The following KAT2B variants were observed in gnomAD, a reference collection of about 807,000 sequenced individuals.
KAT2B encodes lysine acetyltransferase 2B.
In KAT2B, 36 loss-of-function variants were observed where a neutral mutation model predicts 105.9. That is an observed-to-expected ratio of 0.34 (90% CI 0.26 to 0.45). KAT2B has a LOEUF of 0.45. Ranked by LOEUF, KAT2B falls within the 20% of genes least tolerant of loss-of-function variation. The pLI, the probability that KAT2B is intolerant of heterozygous loss-of-function variation, is 1.00. For synonymous variants in KAT2B, 397 were observed against 377.9 expected (o/e 1.05, Z -0.59); for missense variants, 820 against 1,021.6 (o/e 0.80, Z 2.69).
At chr3:20,111,224 A>C (rs1699115231) in intron 5 of KAT2B, among the ~76,000 whole-genome samples, 1 of 152,194 alleles carries the variant, frequency 6.6e-6, no homozygotes, top group African/African-American at 2.4e-5. Flanking sequence ...GAACCCAATG[A>C]AGTAGGTATT....
chr3:20,094,180 C>G (rs1698769260), intron 2 of KAT2B, among the ~76,000 whole-genome samples: 1 of 152,014 alleles, frequency 6.6e-6, no homozygotes, highest in African/African-American at 2.4e-5. Flanking sequence ...TTCTGCATGG[C>G]TGGGGAGGCC....
At chr3:20,086,176 G>T (rs1197956982) in intron 2 of KAT2B, among the ~76,000 whole-genome samples, 2 of 152,140 alleles carry the variant, frequency 1.3e-5, no homozygotes, top group Admixed American at 1.3e-4. Context: ...GGAGACTGAG[G>T]TGGGAGGATT....
At chr3:20,126,518 T>TAAA (rs34431414) in intron 10 of KAT2B, among the ~76,000 whole-genome samples, 2 of 141,704 alleles carry the variant, frequency 1.4e-5, no homozygotes, top group African/African-American at 5.2e-5. Context: ...ATCCATTGCT[T>TAAA]AAAAAAAAAA....
chr3:20,147,760 A>T (rs969128154), intron 14 of KAT2B, among the ~76,000 whole-genome samples: 2 of 152,200 alleles, frequency 1.3e-5, no homozygotes, highest in African/African-American at 2.4e-5. Flanking sequence ...ACACTAACAT[A>T]TGGGGCAGCG....
chr3:20,117,754 C>T (rs1283401791), intron 7 of KAT2B, among the ~76,000 whole-genome samples: 2 of 152,084 alleles, frequency 1.3e-5, no homozygotes, highest in Admixed American at 1.3e-4. Context: ...CATGCTGTGT[C>T]CTGTATGTGA....
chr3:20,126,996 T>C (rs1013170748), intron 10 of KAT2B, among the ~76,000 whole-genome samples: 7 of 152,176 alleles, frequency 4.6e-5, no homozygotes, highest in Admixed American at 3.9e-4. Flanking sequence ...TTGCAAATTG[T>C]ATATGTAAAT....
At chr3:20,070,973 C>T (rs1297504875) in intron 1 of KAT2B, among the ~76,000 whole-genome samples, 1 of 148,800 alleles carries the variant, frequency 6.7e-6, no homozygotes, top group Non-Finnish European at 1.5e-5. Flanking sequence ...CTTGCCACTG[C>T]ACTCCAGCCT....
chr3:20,069,154 T>C (rs540500455), intron 1 of KAT2B, among the ~76,000 whole-genome samples: 227 of 152,308 alleles, frequency 1.5e-3, no homozygotes, highest in African/African-American at 5.2e-3. Context: ...CGTATGAACA[T>C]GAGAGCACCC....
intron 12 of KAT2B, among the ~76,000 whole-genome samples, chr3:20,138,915 A>G (rs922894207): frequency 1.3e-5 from 2 of 152,096 alleles, no homozygotes; most frequent in Non-Finnish European, 2.9e-5. Flanking sequence ...TTGTTTTGAG[A>G]CAGGGTCTTA....
At chr3:20,040,894 C>G in intron 1 of KAT2B, 114 bp downstream of exon 1, 1 of 1,282,756 alleles carries the variant, frequency 7.8e-7, no homozygotes, top group Non-Finnish European at 1.0e-6. Context: ...TCGCCTCCCG[C>G]CTGGGGCCGC....
chr3:20,084,665 C>T lies in KAT2B; in HGVS notation c.431-10598C>T, dbSNP rs566020643. Among the ~76,000 whole-genome samples the T allele has an allele frequency of 1.3e-3, 197 of 152,256 alleles. 1 individual carries two copies. The highest frequency in any genetic ancestry group is 4.6e-3 in the African/African-American group (192 of 41,556). ...GCAGAGTCAGAGGGAAATGAGCCTC[C>T]TCAGGTTTCACTTAAGCATTTTAAT... On this transcript the variant is annotated intron_variant, in intron 2 of 17. Transcript: ENST00000263754.
At chr3:20,076,109 G>A (rs2140084) in intron 2 of KAT2B, among the ~76,000 whole-genome samples, 79,435 of 151,614 alleles carry the variant, frequency 0.52, 21,993 homozygotes, top group African/African-American at 0.71. Context: ...AGGTATGATC[G>A]AAAGGGGCTC....
At chr3:20,085,322 C>G (rs1698593545) in intron 2 of KAT2B, among the ~76,000 whole-genome samples, 1 of 152,102 alleles carries the variant, frequency 6.6e-6, no homozygotes, top group South Asian at 2.1e-4. Context: ...TCAGATTGAC[C>G]TCAAGGAAAA....
chr3:20,066,487 C>A (rs1234618226), intron 1 of KAT2B, among the ~76,000 whole-genome samples: 1 of 152,032 alleles, frequency 6.6e-6, no homozygotes, highest in Non-Finnish European at 1.5e-5. Flanking sequence ...CAACTTTGGC[C>A]TCCTGGGTTC....
At chr3:20,049,145 C>A (rs1306004317) in intron 1 of KAT2B, among the ~76,000 whole-genome samples, 3 of 152,138 alleles carry the variant, frequency 2.0e-5, no homozygotes, top group Non-Finnish European at 4.4e-5. Context: ...CAGGTGTGAG[C>A]CACCGCGCCT....
intron 1 of KAT2B, among the ~76,000 whole-genome samples, chr3:20,043,713 C>T (rs551268086): frequency 3.6e-5 from 5 of 137,144 alleles, no homozygotes; most frequent in Admixed American, 7.6e-5. Context: ...GACATTATCT[C>T]AGATTTGCTT....
chr3:20,146,368 C>G lies in KAT2B; in HGVS notation c.2057C>G (p.Pro686Arg), dbSNP rs753515933. The change falls in exon 14 of 18, where the codon CCT becomes CGT. Residue 686 changes from proline to arginine, a missense_variant. This residue lies in a region of KAT2B where 227 missense variants were observed against 292.9 expected (regional missense o/e 0.77). Transcript: ENST00000263754. Reference sequence around the variant, plus strand: ...CAGGCACAAATTCGAAAAGTTTACCCTGGACTTTCATGTTTTAAAGATGGA... The same window carrying G: ...CAGGCACAAATTCGAAAAGTTTACCGTGGACTTTCATGTTTTAAAGATGGA... ...RKQAQIRKVY[P>R]GLSCFKDGVR... 13 of 1,613,406 alleles carry G rather than the reference C, an allele frequency of 8.1e-6. No homozygotes were observed. In the Admixed American group the frequency reaches 1.0e-4, roughly 12 times the overall value.
At chr3:20,121,730 ATATGTGTGTGTGTGTGTGTGTGTGTG>A (rs1212751218) in intron 8 of KAT2B, among the ~76,000 whole-genome samples, 1 of 92,500 alleles carries the variant, frequency 1.1e-5, no homozygotes, top group African/African-American at 3.7e-5. Flanking sequence ...ACACATATGC[ATATGTGTGTGTGTGTGTGTGTGTGTG>A]TGTGTGTGTG....
intron 17 of KAT2B, among the ~76,000 whole-genome samples, chr3:20,149,322 C>A (rs1699828280): frequency 6.6e-6 from 1 of 151,466 alleles, no homozygotes; most frequent in African/African-American, 2.4e-5. Context: ...TGTAGTGAGA[C>A]CCTGTCTCTA....
Sources: gnomAD v4.1 joint callset for allele counts (sites outside exome capture counted in the v4.1 genomes callset) on GRCh38, gnomAD v4.1.1 for gene constraint, gnomAD v4.1.1 regional missense constraint, MANE v1.5 for transcripts, NCBI Gene and HGNC (gene_info 2026-07-23, HGNC 2026-07-21) for gene names.